The following CSMD3 variants were observed in gnomAD, a reference collection of about 807,000 sequenced individuals.
The protein encoded by CSMD3 is CUB and Sushi multiple domains 3.
A neutral mutation model predicts 435.2 loss-of-function variants in CSMD3; 177 were observed. The observed-to-expected ratio is 0.41, with a 90% confidence interval of 0.36 to 0.46. The LOEUF is 0.46. CSMD3 is among the 20% of genes least tolerant of loss of function. The pLI, the probability that CSMD3 is intolerant of heterozygous loss-of-function variation, is 0.34. For missense variants in CSMD3, 4,265 were observed against 4,504.6 expected (o/e 0.95, Z 1.52); for synonymous variants, 1,656 against 1,520.5 (o/e 1.09, Z -2.07).
chr8:112,521,013 T>C (rs1169529493), intron 27 of CSMD3, among the ~76,000 whole-genome samples: 2 of 151,984 alleles, frequency 1.3e-5, no homozygotes, highest in Non-Finnish European at 2.9e-5. Flanking sequence ...AGTTCTTGTG[T>C]TGCTAGTATT....
intron 59 of CSMD3, among the ~76,000 whole-genome samples, chr8:112,270,371 T>TGTGTGTGTGTGTTAGGGGTGA (rs1563717568): frequency 3.3e-5 from 5 of 150,602 alleles, no homozygotes; most frequent in African/African-American, 1.2e-4. Context: ...TGTGTGTGTG[T>TGTGTGTGTGTGTTAGGGGTGA]GTGTGTGTGT....
intron 60 of CSMD3, among the ~76,000 whole-genome samples, chr8:112,264,477 T>A (rs957896767): frequency 5.3e-5 from 8 of 152,112 alleles, no homozygotes; most frequent in Non-Finnish European, 1.2e-4. Context: ...ACATGAGGAA[T>A]GACTGTATTA....
chr8:113,201,359 A>G (rs780139924), intron 3 of CSMD3, among the ~76,000 whole-genome samples: 1 of 151,986 alleles, frequency 6.6e-6, no homozygotes, highest in Non-Finnish European at 1.5e-5. Context: ...TCAAAGGTTA[A>G]TTGAAATTAG....
At chr8:112,343,662 A>G (rs988860078) in intron 41 of CSMD3, among the ~76,000 whole-genome samples, 6 of 151,854 alleles carry the variant, frequency 4.0e-5, no homozygotes, top group African/African-American at 1.4e-4. Flanking sequence ...TCATTTAATC[A>G]TTTATTTATT....
intron 13 of CSMD3, among the ~76,000 whole-genome samples, chr8:112,719,457 G>A (rs1165832821): frequency 6.6e-6 from 1 of 152,176 alleles, no homozygotes; most frequent in Non-Finnish European, 1.5e-5. Flanking sequence ...AGAAGTCTAA[G>A]ATCGGGGTGC....
At chr8:113,127,919 C>T (rs889980665) in intron 4 of CSMD3, among the ~76,000 whole-genome samples, 31 of 152,050 alleles carry the variant, frequency 2.0e-4, no homozygotes, top group African/African-American at 7.2e-4. Flanking sequence ...ACACTTCAAC[C>T]CAGGTCAAAC....
intron 28 of CSMD3, 133 bp from the exon 29 acceptor site, chr8:112,506,962 C>T (rs1332469740): frequency 1.4e-6 from 1 of 735,456 alleles, no homozygotes. Context: ...GTACTTGATG[C>T]TTGGATACAG....
At chr8:112,228,222 C>G (rs1053641786) in intron 70 of CSMD3, among the ~76,000 whole-genome samples, 2 of 152,052 alleles carry the variant, frequency 1.3e-5, no homozygotes, top group South Asian at 2.1e-4. Context: ...ATATGTACAG[C>G]TATATATTAG....
At chr8:112,509,874 T>TA (rs1207204190) in intron 28 of CSMD3, among the ~76,000 whole-genome samples, 1 of 152,214 alleles carries the variant, frequency 6.6e-6, no homozygotes, top group African/African-American at 2.4e-5. Flanking sequence ...GGCTGAACTC[T>TA]AAACCATATG....
At chr8:112,540,429 G>A (rs113241180) in intron 27 of CSMD3, among the ~76,000 whole-genome samples, 1,683 of 152,034 alleles carry the variant, frequency 0.011, 29 homozygotes, top group African/African-American at 0.039. Flanking sequence ...TACCATTGCC[G>A]GGTATTTATC....
chr8:112,848,687 A>T (rs562508405), intron 11 of CSMD3, among the ~76,000 whole-genome samples: 1 of 152,246 alleles, frequency 6.6e-6, no homozygotes, highest in African/African-American at 2.4e-5. Flanking sequence ...CTCCTATGAC[A>T]TGGTGAGGCA....
intron 13 of CSMD3, among the ~76,000 whole-genome samples, chr8:112,702,068 T>C (rs2076400392): frequency 6.6e-6 from 1 of 152,170 alleles, no homozygotes. Context: ...CCCATGAGTT[T>C]ATATTTATTT....
At chr8:112,791,433 C>T (rs1260962683) in intron 13 of CSMD3, among the ~76,000 whole-genome samples, 2 of 151,582 alleles carry the variant, frequency 1.3e-5, no homozygotes, top group Non-Finnish European at 2.9e-5. Context: ...ACATAATCTG[C>T]TTTCAGTCAC....
At chr8:112,541,828 C>G (rs1053634926) in intron 27 of CSMD3, among the ~76,000 whole-genome samples, 2 of 151,620 alleles carry the variant, frequency 1.3e-5, no homozygotes, top group East Asian at 1.9e-4. Context: ...AAATACATCA[C>G]AAGAAAAAAA....
chr8:113,025,626 C>A (rs1193255600), intron 5 of CSMD3, among the ~76,000 whole-genome samples: 4 of 152,044 alleles, frequency 2.6e-5, no homozygotes, highest in Non-Finnish European at 5.9e-5. Context: ...GTGGTTCGGG[C>A]AAATGCTCAC....
chr8:113,087,868 T>G (rs1482108673), intron 5 of CSMD3, among the ~76,000 whole-genome samples: 3 of 152,062 alleles, frequency 2.0e-5, no homozygotes, highest in Non-Finnish European at 4.4e-5. Flanking sequence ...GGGATCTAAT[T>G]AAACTAAAGA....
At chr8:112,801,278 C>T (rs981261042) in intron 12 of CSMD3, among the ~76,000 whole-genome samples, 3 of 151,978 alleles carry the variant, frequency 2.0e-5, no homozygotes, top group Non-Finnish European at 4.4e-5. Flanking sequence ...ACTATGAATA[C>T]ACCAGCAGAG....
At chr8:113,356,819 T>C (rs1001205730) in intron 1 of CSMD3, among the ~76,000 whole-genome samples, 18 of 152,160 alleles carry the variant, frequency 1.2e-4, no homozygotes, top group Non-Finnish European at 2.6e-4. Context: ...ACCTAAATGA[T>C]GCAGTTACAT....
chr8:112,972,335 TTATG>T (rs1321028752), intron 7 of CSMD3, among the ~76,000 whole-genome samples: 8 of 151,910 alleles, frequency 5.3e-5, no homozygotes, highest in Non-Finnish European at 1.0e-4. Flanking sequence ...TCTCTTATAT[TTATG>T]TTTTACACTG....
Sources: allele counts gnomAD v4.1 joint callset (sites outside exome capture counted in the v4.1 genomes callset), GRCh38; gene constraint gnomAD v4.1.1; transcripts MANE v1.5; gene names NCBI Gene and HGNC (gene_info 2026-07-23, HGNC 2026-07-21).